The following GRHL3 variants were observed in gnomAD, a reference collection of about 807,000 sequenced individuals.
GRHL3 encodes the protein grainyhead-like protein 3 homolog.
A neutral mutation model predicts 70.3 loss-of-function variants in GRHL3; 20 were observed. The ratio of observed to expected loss-of-function variants is 0.28; its 90% CI spans 0.20 to 0.41. GRHL3 has a LOEUF of 0.41. Ranked by LOEUF, GRHL3 falls within the 10% of genes least tolerant of loss-of-function variation. The pLI, the probability that GRHL3 is intolerant of heterozygous loss-of-function variation, is 1.00. For synonymous variants in GRHL3, 299 were observed against 299.9 expected (o/e 1.00, Z 0.03); for missense variants, 637 against 762.3 (o/e 0.84, Z 1.94).
chr1:24,354,246 A>G (rs1427504017), intron 15 of GRHL3, 128 bp from the exon 16 acceptor site: 5 of 617,918 alleles, frequency 8.1e-6, no homozygotes, highest in Non-Finnish European at 1.5e-5. Context: ...ATCAGAGGGA[A>G]GGTTTGTGAG....
downstream of GRHL3, chr1:24,358,521 T>A (rs781207949): frequency 1.2e-6 from 2 of 1,601,152 alleles, no homozygotes. Context: ...GCTGGAGTTC[T>A]CCTTGACCTT....
chr1:24,346,673 G>A (rs1342962589), intron 13 of GRHL3, 32 bp downstream of exon 13: 2 of 1,533,732 alleles, frequency 1.3e-6, no homozygotes, highest in Non-Finnish European at 1.8e-6. Context: ...TTACTCACCA[G>A]GCCCACCCCA....
chr1:24,354,339 G>A, intron 15 of GRHL3, 35 bp from the exon 16 acceptor site: 1 of 1,479,060 alleles, frequency 6.8e-7, no homozygotes, highest in Non-Finnish European at 9.5e-7. Flanking sequence ...CAGGGCGCCT[G>A]CTGTGTTCCA....
At chr1:24,360,829 T>C in intron 15 of GRHL3, 2 of 1,570,082 alleles carry the variant, frequency 1.3e-6, no homozygotes, top group Non-Finnish European at 1.7e-6. Flanking sequence ...GTTTTTACAA[T>C]CATTTAAAAC....
chr1:24,332,041 C>G (rs1639634008), intron 2 of GRHL3, among the ~76,000 whole-genome samples: 1 of 152,120 alleles, frequency 6.6e-6, no homozygotes, highest in African/African-American at 2.4e-5. Context: ...AGTGCCTGAC[C>G]CACTCGTTGC....
In GRHL3 at chr1:24,323,061, AG is replaced by A. The variant is rs758956626; in HGVS notation, c.17+3494del. ...ACAGAGGAGATGTGCCAAACTGTTA[AG>A]AGTGGTTATTTCTGAGCAGAAGAAT... On this transcript the variant is annotated intron_variant, in intron 1 of 15. Coordinates refer to ENST00000361548, the MANE Select transcript of GRHL3 (RefSeq NM_198173.3). 60 of 1,545,912 alleles carry A rather than the reference AG, an allele frequency of 3.9e-5. No homozygotes were observed. The African/African-American group carries it at 6.9e-4, about 18-fold the overall frequency.
chr1:24,319,518 T>G lies in GRHL3; in HGVS notation c.-34T>G. The G allele has an allele frequency of 1.3e-6, 2 of 1,583,088 alleles. No individual in the cohort carries two copies. The highest frequency in any genetic ancestry group is 1.7e-6 in the Non-Finnish European group (2 of 1,151,780). On this transcript the variant is annotated 5_prime_UTR_variant, in exon 1 of 16. Transcript: ENST00000361548. ...TTAGAGACAAGCGGTCAGCAGAGCC[T>G]CAGTGCTGATCGTCGGAGCTTGGGA...
At chr1:24,339,837 G>T in intron 8 of GRHL3, 75 bp downstream of exon 8, 1 of 925,002 alleles carries the variant, frequency 1.1e-6, no homozygotes, top group East Asian at 2.5e-5. Context: ...AGGCTTTCTT[G>T]CACCTAGGAT....
chr1:24,342,428 C>T lies in GRHL3; in HGVS notation c.1206+155C>T, dbSNP rs960785988. On this transcript the variant is annotated intron_variant, in intron 9 of 15. Transcript: ENST00000361548. This position sits in a 1 kb window ranked among gnomAD's most constrained non-coding sequence, Gnocchi z 4.8. ...CCTCTCCTCCTCCACCCCCACTCCT[C>T]CATCTCTCTGTCTCTCTGAGTTTCT... is the stretch of plus-strand genomic sequence containing the variant. Among the ~76,000 whole-genome samples, 9 of 152,204 alleles carry T rather than the reference C, an allele frequency of 5.9e-5. No individual in the cohort carries two copies. The highest frequency in any genetic ancestry group is 2.2e-4 in the African/African-American group (9 of 41,454).
chr1:24,361,738 A>G (rs1013958066), intron 15 of GRHL3, among the ~76,000 whole-genome samples: 1 of 152,248 alleles, frequency 6.6e-6, no homozygotes, highest in Admixed American at 6.5e-5. Context: ...CCTTCCAGAA[A>G]GGGAGTCTAT....
chr1:24,338,203 T>G, intron 7 of GRHL3, 100 bp downstream of exon 7: 1 of 735,700 alleles, frequency 1.4e-6, no homozygotes. Flanking sequence ...CCTACCTGGC[T>G]CTGACCTCTG....
At position 24,338,100 on chromosome 1, in the gene GRHL3, G is replaced by A. The variant is rs373710872; in HGVS notation, c.949G>A (p.Val317Met). ...QPTAKQRVID[V>M]ADCKENFNTV... ...CACTGCCAAGCAGCGGGTCATTGACGTGGGTGAGAGCCTTCTCAAGCCTCC... is the reference window on the plus strand; with the variant it reads ...CACTGCCAAGCAGCGGGTCATTGACATGGGTGAGAGCCTTCTCAAGCCTCC... The change falls in exon 7 of 16, where the codon GTG becomes ATG. Residue 317 changes from valine (V) to methionine (M), a missense_variant. Val to Met is a conservative substitution (Grantham distance 21). Around this residue, in one of 2 missense-constraint regions of GRHL3, gnomAD observed 387 missense variants for 513.8 expected, o/e 0.75. Coordinates refer to ENST00000361548, the MANE Select transcript of GRHL3 (RefSeq NM_198173.3). The A allele has an allele frequency of 1.6e-5, 26 of 1,600,308 alleles. No homozygotes were observed. Among genetic ancestry groups the A allele is most frequent in the Admixed American group, 8.5e-5 (5 of 58,706 alleles).
chr1:24,341,455 A>T (rs1323386265), intron 8 of GRHL3, among the ~76,000 whole-genome samples: 1 of 152,172 alleles, frequency 6.6e-6, no homozygotes, highest in Non-Finnish European at 1.5e-5. Flanking sequence ...CTCCAGGCTC[A>T]CTTTGTTATG....
intron 14 of GRHL3, 107 bp downstream of exon 14, chr1:24,347,660 C>A: frequency 1.1e-6 from 1 of 924,222 alleles, no homozygotes; most frequent in Non-Finnish European, 1.7e-6. Context: ...CCTTGGCATG[C>A]CGGTGGCCTA....
rs762091112 is a variant in GRHL3, at chr1:24,344,902, C to T, written c.1425C>T (p.Ala475=). The change falls in exon 12 of 16, where the codon GCC becomes GCT. Residue 475 remains alanine (A), a synonymous_variant. Transcript: ENST00000361548. ...TCTTTTTCACTTCATTGCAGGCAGC[C>T]CCCTCGGCAGGACCCAGCAGCTCCA... is the stretch of plus-strand genomic sequence containing the variant. ...FSSLQRSGGA[A]PSAGPSSSNR... 2.5e-6 allele frequency: 4 copies of T among 1,613,510 alleles called. No homozygotes were observed. The highest frequency in any genetic ancestry group is 3.4e-6 in the Non-Finnish European group (4 of 1,179,730).
At chr1:24,358,193 T>C, downstream of GRHL3, 2 of 527,370 alleles carry the variant, frequency 3.8e-6, no homozygotes, top group Admixed American at 2.2e-5. Flanking sequence ...TGATCCTCCT[T>C]GAAGTCTGCG....
At chr1:24,349,457 C>T (rs538008122) in intron 14 of GRHL3, among the ~76,000 whole-genome samples, 1 of 152,340 alleles carries the variant, frequency 6.6e-6, no homozygotes, top group Non-Finnish European at 1.5e-5. Context: ...ATCTTCATTG[C>T]TCTGCTTCTG....
intron 13 of GRHL3, 104 bp from the exon 14 acceptor site, chr1:24,347,364 G>A (rs1478060374): frequency 1.6e-5 from 16 of 1,001,276 alleles, no homozygotes; most frequent in East Asian, 7.2e-5. Flanking sequence ...GCAAAGACCC[G>A]CAGCAGAAGT....
In GRHL3 at chr1:24,334,408, G is replaced by A. The variant is rs539891246; in HGVS notation, c.205-237G>A. Among the ~76,000 whole-genome samples the A allele has an allele frequency of 1.4e-4, 22 of 152,086 alleles. No individual in the cohort carries two copies. The South Asian group carries it at 1.9e-3, about 13-fold the overall frequency. On this transcript the variant is annotated intron_variant, in intron 2 of 15. Coordinates refer to ENST00000361548, the MANE Select transcript of GRHL3 (RefSeq NM_198173.3). This position sits in a 1 kb window ranked among gnomAD's most constrained non-coding sequence, Gnocchi z 4.3. ...GCCCTCTTATAAAATAATCAGATAC[G>A]ATGAGAACTCACTGTCACGAGAACA...
Sources: gnomAD v4.1 joint callset for allele counts (sites outside exome capture counted in the v4.1 genomes callset) on GRCh38, gnomAD v4.1.1 for gene constraint, gnomAD v4.1.1 regional missense constraint, Gnocchi (gnomAD v3.1) non-coding constraint, MANE v1.5 for transcripts, NCBI Gene and HGNC (gene_info 2026-07-23, HGNC 2026-07-21) for gene names.